Variants in VOPP1 observed in about 807,000 individuals in gnomAD.
VOPP1 encodes VOPP1 WW domain binding protein.
VOPP1 carries 8 observed loss-of-function variants against 23.5 expected under a neutral mutation model. That is an observed-to-expected ratio of 0.34 (90% confidence interval 0.20 to 0.61). The LOEUF is 0.61. Among genes scored for constraint, VOPP1 ranks in the 20% least tolerant of loss-of-function variants. VOPP1 has a pLI of 0.78. For missense variants in VOPP1, 174 were observed against 238.1 expected (o/e 0.73, Z 1.77); for synonymous variants, 83 against 97.3 (o/e 0.85, Z 0.86).
At chr7:55,474,455 G>A (rs1562896975) in intron 4 of VOPP1, among the ~76,000 whole-genome samples, 2 of 152,246 alleles carry the variant, frequency 1.3e-5, no homozygotes, top group Non-Finnish European at 2.9e-5. Flanking sequence ...AAATGGAGAA[G>A]AGAGAATGAG....
intron 4 of VOPP1, among the ~76,000 whole-genome samples, chr7:55,441,962 T>G (rs572173776): frequency 6.6e-6 from 1 of 152,342 alleles, no homozygotes; most frequent in East Asian, 1.9e-4. Context: ...CAACAGGGAC[T>G]CCTCATTCTC....
At chr7:55,461,950 T>C (rs1046725556) in intron 4 of VOPP1, among the ~76,000 whole-genome samples, 1 of 152,230 alleles carries the variant, frequency 6.6e-6, no homozygotes, top group African/African-American at 2.4e-5. Flanking sequence ...GTGAGTTTCA[T>C]GTTTTCATGA....
At chr7:55,440,913 C>T (rs756504526) in intron 4 of VOPP1, among the ~76,000 whole-genome samples, 1 of 152,254 alleles carries the variant, frequency 6.6e-6, no homozygotes, top group African/African-American at 2.4e-5. Context: ...CTCACTCCTC[C>T]TTGTCCTGTG....
At chr7:55,521,648 C>T in intron 1 of VOPP1, 1 of 987,480 alleles carries the variant, frequency 1.0e-6, no homozygotes, top group Non-Finnish European at 1.2e-6. Context: ...AAAGAAGGAA[C>T]AAGGAAAGAC....
chr7:55,506,964 A>T (rs1040487846), intron 2 of VOPP1, among the ~76,000 whole-genome samples: 2 of 152,220 alleles, frequency 1.3e-5, no homozygotes, highest in South Asian at 4.1e-4. Flanking sequence ...TTATAATATT[A>T]CTTAATACAC....
At chr7:55,502,634 A>G (rs1284276407) in intron 2 of VOPP1, among the ~76,000 whole-genome samples, 1 of 152,236 alleles carries the variant, frequency 6.6e-6, no homozygotes, top group African/African-American at 2.4e-5. Flanking sequence ...ACACCTGCTG[A>G]TGTTCCAAAG....
At chr7:55,464,480 G>C (rs1479680163) in intron 4 of VOPP1, among the ~76,000 whole-genome samples, 2 of 152,162 alleles carry the variant, frequency 1.3e-5, no homozygotes, top group East Asian at 3.9e-4. Flanking sequence ...CTGGAAGTTG[G>C]GGGATGGGGT....
chr7:55,451,119 G>A (rs1202669429), intron 4 of VOPP1, among the ~76,000 whole-genome samples: 2 of 152,114 alleles, frequency 1.3e-5, no homozygotes, highest in African/African-American at 2.4e-5. Flanking sequence ...TTCTTCTTGC[G>A]GGTAGGGGGT....
At chr7:55,476,351 CA>C (rs541005335) in intron 4 of VOPP1, among the ~76,000 whole-genome samples, 2,222 of 146,308 alleles carry the variant, frequency 0.015, 28 homozygotes, top group Non-Finnish European at 0.025. Flanking sequence ...CCACGGGTGC[CA>C]GGGGGATGGC....
At chr7:55,459,667 A>C (rs1416975866) in intron 4 of VOPP1, among the ~76,000 whole-genome samples, 1 of 152,118 alleles carries the variant, frequency 6.6e-6, no homozygotes, top group African/African-American at 2.4e-5. Context: ...ATAGTTGTTC[A>C]TAGTAATCTC....
rs539856669 is a variant in VOPP1 at position 55,518,501 on chromosome 7, T to A, written c.113+2571A>T. Among the ~76,000 whole-genome samples the A allele has an allele frequency of 2.0e-5, 3 of 152,324 alleles. No individual in the cohort carries two copies. The South Asian group carries it at 6.2e-4, about 32-fold the overall frequency. ...GCCGCGTGGTGGTTTGCTGGTGTTG[T>A]CAGCATTCTCTCACAGCCAAAACAG... is the stretch of plus-strand genomic sequence containing the variant. On this transcript the variant is annotated intron_variant, in intron 2 of 4. Transcript: ENST00000285279.
intron 1 of VOPP1, among the ~76,000 whole-genome samples, chr7:55,547,905 T>C (rs902035683): frequency 2.6e-5 from 4 of 152,196 alleles, no homozygotes; most frequent in South Asian, 2.1e-4. Context: ...TTTACTACCC[T>C]GTGCACAGAG....
In VOPP1 at chr7:55,540,444, A is replaced by T. The variant is rs866383849; in HGVS notation, c.55-19314T>A. On this transcript the variant is annotated intron_variant, in intron 1 of 4. Transcript: ENST00000285279. Reference sequence around the variant, plus strand: ...AAATAAATAAATAAATAAATAAATAAAAATAAATGAACTCCCATTCCGTCC... The same window carrying T: ...AAATAAATAAATAAATAAATAAATATAAATAAATGAACTCCCATTCCGTCC... Among the ~76,000 whole-genome samples the T allele has an allele frequency of 5.9e-3, 838 of 141,542 alleles. 10 individuals carry two copies. Among genetic ancestry groups the T allele is most frequent in the African/African-American group, 0.02 (787 of 38,714 alleles). 92.9% of individuals were successfully genotyped at this position (141,542 alleles called of 152,430 possible).
intron 1 of VOPP1, chr7:55,561,773 A>G (rs372697689): frequency 2.6e-5 from 13 of 496,146 alleles, no homozygotes; most frequent in South Asian, 1.7e-4. Context: ...ACAAACAAGC[A>G]ATTACAGTAT....
chr7:55,567,478 G>T (rs181510630), intron 1 of VOPP1, among the ~76,000 whole-genome samples: 6 of 152,332 alleles, frequency 3.9e-5, no homozygotes, highest in Admixed American at 3.3e-4. Context: ...TGAGTTCTAG[G>T]AAATGTCCTT....
intron 4 of VOPP1, among the ~76,000 whole-genome samples, chr7:55,487,682 GA>G (rs1437477519): frequency 2.0e-5 from 3 of 152,232 alleles, no homozygotes; most frequent in African/African-American, 7.2e-5. Context: ...ACTGCACCTT[GA>G]TGGTCTTGCC....
At chr7:55,495,491 T>C (rs1793888172) in intron 3 of VOPP1, among the ~76,000 whole-genome samples, 1 of 152,188 alleles carries the variant, frequency 6.6e-6, no homozygotes, top group Admixed American at 6.5e-5. Flanking sequence ...ACATCCACTC[T>C]TCTTACACTC....
chr7:55,504,550 G>A (rs558748452), intron 2 of VOPP1, among the ~76,000 whole-genome samples: 12 of 152,178 alleles, frequency 7.9e-5, no homozygotes, highest in Non-Finnish European at 1.2e-4. Flanking sequence ...GAATCCACCC[G>A]ACCATTCAGT....
intron 1 of VOPP1, among the ~76,000 whole-genome samples, chr7:55,566,670 CT>C (rs1798173969): frequency 1.3e-5 from 2 of 152,198 alleles, no homozygotes; most frequent in South Asian, 4.1e-4. Flanking sequence ...CCCAACCGAA[CT>C]TTTTTTCCAC....
Sources: gnomAD v4.1 joint callset for allele counts (sites outside exome capture counted in the v4.1 genomes callset) on GRCh38, gnomAD v4.1.1 for gene constraint, MANE v1.5 for transcripts, NCBI Gene and HGNC (gene_info 2026-07-23, HGNC 2026-07-21) for gene names.